Variants in TLN2 observed in about 807,000 individuals in gnomAD.
TLN2 encodes talin-2.
Under a neutral mutation model 294.7 loss-of-function variants are expected in TLN2, and 118 were observed. The ratio of observed to expected loss-of-function variants is 0.40; its 90% CI spans 0.34 to 0.47. The LOEUF (loss-of-function observed/expected upper bound fraction) is 0.47, where lower values mean the gene tolerates loss of function less well. Ranked by LOEUF, TLN2 falls within the 20% of genes least tolerant of loss-of-function variation. The pLI, the probability that TLN2 is intolerant of heterozygous loss-of-function variation, is 0.84. For missense variants in TLN2, 3,083 were observed against 3,282.2 expected (o/e 0.94, Z 1.48); for synonymous variants, 1,431 against 1,304.5 (o/e 1.10, Z -2.09).
chr15:62,486,109 G>A (rs765017376), intron 1 of TLN2, among the ~76,000 whole-genome samples: 3 of 152,034 alleles, frequency 2.0e-5, no homozygotes, highest in Non-Finnish European at 4.4e-5. Context: ...ATTACATACT[G>A]TTTTCTCTGA....
chr15:62,465,345 G>A (rs2940333), intron 1 of TLN2, among the ~76,000 whole-genome samples: 27,178 of 151,880 alleles, frequency 0.18, 3,062 homozygotes, highest in East Asian at 0.46. Flanking sequence ...ATTCCTGTGC[G>A]GTGCGGCTGG....
chr15:62,485,433 G>A (rs774710485), intron 1 of TLN2, among the ~76,000 whole-genome samples: 10 of 152,146 alleles, frequency 6.6e-5, no homozygotes, highest in Non-Finnish European at 1.2e-4. Flanking sequence ...TGTGGTCTCC[G>A]TCTCAGGCTG....
chr15:62,789,535 A>G (rs2064929846), intron 45 of TLN2, among the ~76,000 whole-genome samples: 1 of 152,158 alleles, frequency 6.6e-6, no homozygotes, highest in Non-Finnish European at 1.5e-5. Flanking sequence ...GTGGGGTGGC[A>G]CTAAGGGAAC....
intron 1 of TLN2, among the ~76,000 whole-genome samples, chr15:62,464,830 C>T (rs180972047): frequency 7.9e-5 from 12 of 152,278 alleles, no homozygotes; most frequent in African/African-American, 2.6e-4. Flanking sequence ...TCCTAGCACT[C>T]ACTCTGCATT....
intron 21 of TLN2, among the ~76,000 whole-genome samples, chr15:62,711,647 C>T (rs534894633): frequency 1.6e-4 from 25 of 152,286 alleles, no homozygotes; most frequent in African/African-American, 5.3e-4. Context: ...TATAGTGTTC[C>T]TCTTTGGCTG....
In TLN2 at chr15:62,712,000, A is replaced by G; in HGVS notation, c.2557A>G (p.Met853Val). The change falls in exon 22 of 59, where the codon ATG (methionine) becomes GTG (valine). Residue 853 changes from methionine (M) to valine (V), a missense_variant. Met to Val is a conservative substitution (Grantham distance 21). Transcript: ENST00000636159. ...MRSDAEAEIDMENSKKLLAAA... is the reference protein window; with the variant it reads ...MRSDAEAEIDVENSKKLLAAA... ...GTCAGATGCAGAAGCCGAAATCGACATGGAGAATTCAAAGAAGCTCCTGGC... is the reference window on the plus strand; with the variant it reads ...GTCAGATGCAGAAGCCGAAATCGACGTGGAGAATTCAAAGAAGCTCCTGGC... 3.7e-6 allele frequency: 6 copies of G among 1,614,228 alleles called. No homozygotes were observed. The highest frequency in any genetic ancestry group is 5.1e-6 in the Non-Finnish European group (6 of 1,180,026).
chr15:62,642,673 GTTGTTT>G (rs2051266096), intron 3 of TLN2, among the ~76,000 whole-genome samples: 1 of 149,480 alleles, frequency 6.7e-6, no homozygotes, highest in African/African-American at 2.5e-5. Context: ...TCTTTTTGTT[GTTGTTT>G]TTGTTTGTTT....
rs139582651 is a variant in TLN2 at position 62,766,359 on chromosome 15, C to T, written c.5133C>T (p.Ile1711=). The T allele has an allele frequency of 1.8e-4, 285 of 1,613,346 alleles. No individual in the cohort carries two copies. The highest frequency in any genetic ancestry group is 4.5e-4 in the East Asian group (20 of 44,846). The change falls in exon 41 of 59, where the codon ATC becomes ATT. Residue 1711 remains isoleucine (I), a synonymous_variant. Coordinates refer to ENST00000636159, the MANE Select transcript of TLN2 (RefSeq NM_015059.3). ...AGCTGACTTCGGTGGTCCAGGAAAT[C>T]GGACACCTTATCGATCCCATCGCCA... The part of the protein sequence containing the change: ...QEQLTSVVQE[I]GHLIDPIATA...
intron 27 of TLN2, among the ~76,000 whole-genome samples, chr15:62,726,489 A>C (rs966088597): frequency 6.6e-6 from 1 of 152,162 alleles, no homozygotes; most frequent in African/African-American, 2.4e-5. Flanking sequence ...GCAAAATAAC[A>C]TGCTGTTCAT....
chr15:62,812,997 C>G (rs1447198586), intron 52 of TLN2, among the ~76,000 whole-genome samples: 1 of 152,196 alleles, frequency 6.6e-6, no homozygotes, highest in Non-Finnish European at 1.5e-5. Context: ...AAGAAGGGCA[C>G]TTACTGACGG....
chr15:62,819,818 T>G (rs1239793925), intron 53 of TLN2, among the ~76,000 whole-genome samples, 197 bp downstream of exon 53: 1 of 152,238 alleles, frequency 6.6e-6, no homozygotes, highest in Non-Finnish European at 1.5e-5. Context: ...AGCAAGTCTT[T>G]TCTCTAGTCT....
chr15:62,729,093 G>A (rs933063337), intron 28 of TLN2, among the ~76,000 whole-genome samples: 5 of 152,104 alleles, frequency 3.3e-5, no homozygotes, highest in Non-Finnish European at 7.4e-5. Flanking sequence ...TGATTGAAAA[G>A]GCTACTTTTT....
At chr15:62,509,485 G>A (rs117873506) in intron 1 of TLN2, among the ~76,000 whole-genome samples, 258 of 152,320 alleles carry the variant, frequency 1.7e-3, no homozygotes, top group Non-Finnish European at 3.1e-3. Flanking sequence ...CTTTCAAGGT[G>A]TCTTCTAGCA....
chr15:62,665,610 C>T (rs149481409), intron 9 of TLN2, among the ~76,000 whole-genome samples: 274 of 152,224 alleles, frequency 1.8e-3, no homozygotes, highest in African/African-American at 6.3e-3. Flanking sequence ...GGGAATTCCT[C>T]GGAAGTATTT....
chr15:62,606,283 G>C (rs909765262), intron 2 of TLN2, among the ~76,000 whole-genome samples: 1 of 149,396 alleles, frequency 6.7e-6, no homozygotes, highest in Non-Finnish European at 1.5e-5. Context: ...GTAGAGACAG[G>C]GTTTCCCCTG....
At chr15:62,657,250 A>G (rs1001919019) in intron 8 of TLN2, among the ~76,000 whole-genome samples, 1 of 151,642 alleles carries the variant, frequency 6.6e-6, no homozygotes, top group African/African-American at 2.4e-5. Flanking sequence ...TTCGCTTGTC[A>G]TTTCCCCTGC....
Position 62,631,575 on chromosome 15 carries a change from T to TCCTTTCCTTTC in TLN2, c.-37+13101_-37+13102insCTTTCCTTTCC, listed in dbSNP as rs200490731. ...TCCTTTCCTTTCCTTTCCTTTCCTTTCTTTCTCTCTCTTCTTTCACTCTCT... is the reference window on the plus strand; with the variant it reads ...TCCTTTCCTTTCCTTTCCTTTCCTTTCCTTTCCTTTCCTTTCTCTCTCTTCTTTCACTCTCT... On this transcript the variant is annotated intron_variant, in intron 3 of 58. Coordinates refer to ENST00000636159, the MANE Select transcript of TLN2 (RefSeq NM_015059.3). 1.1e-4 allele frequency among the ~76,000 whole-genome samples: 16 copies of TCCTTTCCTTTC among 141,854 alleles called. 1 individual carries two copies. The South Asian group carries it at 3.3e-3, about 29-fold the overall frequency. The allele number at this position is 141,854 out of a possible 152,430, so 93.1% of individuals were successfully genotyped here.
At chr15:62,509,147 A>G (rs2039795166) in intron 1 of TLN2, among the ~76,000 whole-genome samples, 1 of 152,204 alleles carries the variant, frequency 6.6e-6, no homozygotes, top group Admixed American at 6.5e-5. Flanking sequence ...TGTGATCTTA[A>G]CCATTACCCT....
chr15:62,543,509 G>A (rs367696304), intron 1 of TLN2, among the ~76,000 whole-genome samples: 13 of 152,080 alleles, frequency 8.5e-5, no homozygotes, highest in Admixed American at 3.9e-4. Context: ...TATAATCCCA[G>A]CACTTTGGGA....
Sources: allele counts gnomAD v4.1 joint callset (sites outside exome capture counted in the v4.1 genomes callset), GRCh38; gene constraint gnomAD v4.1.1; transcripts MANE v1.5; gene names NCBI Gene and HGNC (gene_info 2026-07-23, HGNC 2026-07-21).